NUP54: variants seen among roughly 807,000 people sequenced by gnomAD.
The protein encoded by NUP54 is nucleoporin 54, also known as nucleoporin p54.
NUP54 carries 27 observed loss-of-function variants against 66.4 expected under a neutral mutation model. That is an observed-to-expected ratio of 0.41 (90% CI 0.30 to 0.56). The LOEUF (loss-of-function observed/expected upper bound fraction) is 0.56, where lower values mean the gene tolerates loss of function less well. NUP54 is among the 20% of genes least tolerant of loss of function. NUP54 has a pLI of 0.34. For synonymous variants in NUP54, 206 were observed against 210.7 expected (o/e 0.98, Z 0.19); for missense variants, 486 against 596.3 (o/e 0.82, Z 1.93).
intron 3 of NUP54, among the ~76,000 whole-genome samples, chr4:76,137,814 T>C (rs1052614259): frequency 3.3e-5 from 5 of 152,232 alleles, no homozygotes; most frequent in Admixed American, 6.5e-5. Context: ...TTACACTATA[T>C]TTTCTTTGTA....
intron 9 of NUP54, among the ~76,000 whole-genome samples, chr4:76,118,839 C>T (rs1388607808): frequency 1.3e-5 from 2 of 151,844 alleles, no homozygotes; most frequent in African/African-American, 2.4e-5. Context: ...CCCGTCTCTA[C>T]TAAAAATACA....
In NUP54 at chr4:76,114,994, A is replaced by G; in HGVS notation, c.*372T>C. 6.4e-6 allele frequency: 1 copy of G among 157,020 alleles called. No individual in the cohort carries two copies. Among genetic ancestry groups the G allele is most frequent in the Non-Finnish European group, 1.4e-5 (1 of 71,442 alleles). The allele number at this position is 157,020 out of a possible 1,614,324, so 9.7% of individuals were successfully genotyped here. A position where few individuals can be genotyped will look rare whatever the true frequency, so the allele number is the denominator to read the frequency against. On this transcript the variant is annotated 3_prime_UTR_variant, in exon 12 of 12. Coordinates refer to ENST00000264883, the MANE Select transcript of NUP54 (RefSeq NM_017426.4). Reference sequence around the variant, plus strand: ...TAGTTTGTTCTGTTATGTGCAAAGTAGATTATTTCATATTTACTTGGTATG... The same window carrying G: ...TAGTTTGTTCTGTTATGTGCAAAGTGGATTATTTCATATTTACTTGGTATG...
At chr4:76,119,713 G>A (rs1730143002) in intron 9 of NUP54, among the ~76,000 whole-genome samples, 1 of 151,916 alleles carries the variant, frequency 6.6e-6, no homozygotes, top group South Asian at 2.1e-4. Context: ...ATGCATCGGG[G>A]GAAAGGGTCT....
At chr4:76,127,933 C>T (rs551950875) in intron 8 of NUP54, among the ~76,000 whole-genome samples, 8 of 152,226 alleles carry the variant, frequency 5.3e-5, no homozygotes, top group East Asian at 1.9e-4. Context: ...ATGGAATACA[C>T]GGGGCAGCTA....
At chr4:76,145,477 T>A (rs763658806) in intron 1 of NUP54, 72 of 757,866 alleles carry the variant, frequency 9.5e-5, no homozygotes, top group Middle Eastern at 3.4e-4. Flanking sequence ...TTAATTTATG[T>A]CTAAATTAAC....
At chr4:76,129,966 GTTTTTTTTTTTTTTTTTTTTTT>G (rs775109047) in intron 8 of NUP54, among the ~76,000 whole-genome samples, 1 of 56,862 alleles carries the variant, frequency 1.8e-5, no homozygotes, top group African/African-American at 7.1e-5. Context: ...AATTATGAAA[GTTTTTTTTTTTTTTTTTTTTTT>G]TTTTTTTTTT....
intron 8 of NUP54, among the ~76,000 whole-genome samples, chr4:76,126,253 A>T (rs1222710557): frequency 6.6e-6 from 1 of 152,224 alleles, no homozygotes; most frequent in Admixed American, 6.5e-5. Context: ...CTTACAGGGT[A>T]GGTTAAAATC....
At chr4:76,133,094 C>T (rs1204086877) in intron 5 of NUP54, among the ~76,000 whole-genome samples, 6 of 151,102 alleles carry the variant, frequency 4.0e-5, no homozygotes, top group South Asian at 4.2e-4. Flanking sequence ...GACGGACACT[C>T]GCTATGTTGC....
At chr4:76,131,918 T>C (rs953120010) in intron 6 of NUP54, among the ~76,000 whole-genome samples, 1 of 152,140 alleles carries the variant, frequency 6.6e-6, no homozygotes, top group Non-Finnish European at 1.5e-5. Context: ...TGGAATACTA[T>C]GCAATGTTTA....
intron 1 of NUP54, chr4:76,147,701 AAAGC>A (rs1731563237): frequency 8.4e-7 from 1 of 1,188,152 alleles, no homozygotes; most frequent in African/African-American, 1.6e-5. Context: ...AAAAGAAAAG[AAAGC>A]AAGATAAGGA....
chr4:76,131,169 T>C (rs991672033), intron 7 of NUP54, 61 bp downstream of exon 7: 1 of 973,448 alleles, frequency 1.0e-6, no homozygotes, highest in Admixed American at 2.0e-5. Flanking sequence ...ATAGCTCCCA[T>C]GTTTGCTTTC....
rs1389536293 is a variant in NUP54 at position 76,118,680 on chromosome 4, G to A, written c.1165-486C>T. On this transcript the variant is annotated intron_variant, in intron 9 of 11. Coordinates refer to ENST00000264883, the MANE Select transcript of NUP54 (RefSeq NM_017426.4). ...CAGAGTGCTGGGTTTACAGGTGTGA[G>A]CCACTTTGCCAAGCCAACAATTTTA... is the stretch of plus-strand genomic sequence containing the variant. 3.3e-5 allele frequency among the ~76,000 whole-genome samples: 5 copies of A among 150,596 alleles called. No homozygotes were observed. In the East Asian group the frequency reaches 6.2e-4, roughly 19 times the overall value.
chr4:76,143,625 A>G (rs1731360176), intron 3 of NUP54, among the ~76,000 whole-genome samples: 1 of 152,188 alleles, frequency 6.6e-6, no homozygotes, highest in African/African-American at 2.4e-5. Context: ...AATAAATAAA[A>G]AAGAGAGATA....
At chr4:76,126,354 A>T (rs1053750305) in intron 8 of NUP54, among the ~76,000 whole-genome samples, 5 of 152,196 alleles carry the variant, frequency 3.3e-5, no homozygotes, top group African/African-American at 4.8e-5. Context: ...TTACATTTAC[A>T]TGTTACAAGA....
At chr4:76,135,383 T>C (rs764798012) in intron 4 of NUP54, among the ~76,000 whole-genome samples, 2 of 152,248 alleles carry the variant, frequency 1.3e-5, no homozygotes, top group Non-Finnish European at 2.9e-5. Flanking sequence ...ACCAACTTTA[T>C]TGTTATATTC....
chr4:76,144,670 C>G (rs1454073817), intron 1 of NUP54, among the ~76,000 whole-genome samples, 197 bp from the exon 2 acceptor site: 3 of 152,130 alleles, frequency 2.0e-5, no homozygotes, highest in African/African-American at 7.2e-5. Context: ...AAGAAATGAA[C>G]TAAGCATTTA....
At position 76,136,362 on chromosome 4, in the gene NUP54, G is replaced by T. The variant is rs748558710; in HGVS notation, c.346C>A (p.Gln116Lys). Residue 116 changes from glutamine to lysine, a missense_variant, in exon 4 of 12, where the codon CAG (glutamine) becomes AAG (lysine). Coordinates refer to ENST00000264883, the MANE Select transcript of NUP54 (RefSeq NM_017426.4). ...QPTQAPTQSN[Q>K]LINTASALSA... ...AGAGCACTCGCAGTATTTATCAGCT[G>T]GTTGGACTGGGTAGGAGCTTGTGTA... 1 of 1,614,058 alleles carries T rather than the reference G, an allele frequency of 6.2e-7. No individual in the cohort carries two copies. The highest frequency in any genetic ancestry group is 1.1e-5 in the South Asian group (1 of 91,086).
Position 76,128,711 on chromosome 4 carries a change from T to C in NUP54, c.1056+1945A>G, listed in dbSNP as rs1433267389. Among the ~76,000 whole-genome samples, 4 of 152,326 alleles carry C rather than the reference T, an allele frequency of 2.6e-5. No homozygotes were observed. The East Asian group carries it at 5.8e-4, about 22-fold the overall frequency. ...GGATAAAGAAAACATGGTGTGTATGTGTACACATATATACACACACAATAG... is the reference window on the plus strand; with the variant it reads ...GGATAAAGAAAACATGGTGTGTATGCGTACACATATATACACACACAATAG... On this transcript the variant is annotated intron_variant, in intron 8 of 11. Transcript: ENST00000264883.
intron 8 of NUP54, among the ~76,000 whole-genome samples, chr4:76,129,972 T>TG (rs1730726630): frequency 4.0e-5 from 1 of 25,154 alleles, no homozygotes; most frequent in Non-Finnish European, 6.8e-5. Flanking sequence ...GAAAGTTTTT[T>TG]TTTTTTTTTT....
Sources: allele counts gnomAD v4.1 joint callset (sites outside exome capture counted in the v4.1 genomes callset), GRCh38; gene constraint gnomAD v4.1.1; transcripts MANE v1.5; gene names NCBI Gene and HGNC (gene_info 2026-07-23, HGNC 2026-07-21).